NALF1: variants seen among roughly 807,000 people sequenced by gnomAD.
NALF1 encodes NALCN channel auxiliary factor 1.
In NALF1, 3 loss-of-function variants were observed where a neutral mutation model predicts 48.4. The ratio of observed to expected loss-of-function variants is 0.06; its 90% CI spans 0.03 to 0.16. The LOEUF (loss-of-function observed/expected upper bound fraction) is 0.16. Ranked by LOEUF, NALF1 falls within the 10% of genes least tolerant of loss-of-function variation. The probability of loss-of-function intolerance (pLI) is 1.00; values close to 1 mark genes in which losing one functional copy is unlikely to be tolerated. For synonymous variants in NALF1, 262 were observed against 245.7 expected, an observed-to-expected ratio of 1.07 and a Z score of -0.62; for missense variants, 526 against 571.5, an observed-to-expected ratio of 0.92 and a Z score of 0.81.
chr13:107,216,967 A>G (rs1879885999), intron 1 of NALF1, among the ~76,000 whole-genome samples: 1 of 152,200 alleles, frequency 6.6e-6, no homozygotes, highest in African/African-American at 2.4e-5. Context: ...GCTTAGGAAA[A>G]AAGGGAAACC....
intron 1 of NALF1, among the ~76,000 whole-genome samples, chr13:107,613,764 G>T (rs1051840006): frequency 2.0e-5 from 3 of 152,124 alleles, no homozygotes; most frequent in African/African-American, 7.2e-5. Flanking sequence ...TAGTTGTCAA[G>T]ACAAACTGGA....
intron 1 of NALF1, among the ~76,000 whole-genome samples, chr13:107,662,122 G>C (rs925963223): frequency 2.7e-4 from 41 of 152,152 alleles, no homozygotes; most frequent in Admixed American, 2.7e-3. Context: ...GCCATTTTTG[G>C]ACATGGAAGT....
intron 1 of NALF1, among the ~76,000 whole-genome samples, chr13:107,493,760 A>T (rs2139071674): frequency 6.6e-6 from 1 of 152,218 alleles, no homozygotes. Context: ...GTGGTGGTGC[A>T]TACCTGCAGT....
At chr13:107,462,861 C>T (rs776892971) in intron 1 of NALF1, among the ~76,000 whole-genome samples, 2 of 152,224 alleles carry the variant, frequency 1.3e-5, no homozygotes, top group Non-Finnish European at 2.9e-5. Context: ...GCCCTATGCA[C>T]CTTTTCCCTT....
At chr13:107,315,742 G>A (rs920625023) in intron 1 of NALF1, among the ~76,000 whole-genome samples, 4 of 151,722 alleles carry the variant, frequency 2.6e-5, no homozygotes, top group Admixed American at 6.6e-5. Flanking sequence ...TTACTTAGCA[G>A]GGTTTTTTAA....
chr13:107,441,820 A>C (rs1424466689), intron 1 of NALF1, among the ~76,000 whole-genome samples: 2 of 152,192 alleles, frequency 1.3e-5, no homozygotes, highest in Non-Finnish European at 2.9e-5. Context: ...GGGTATTAAT[A>C]GGCAAAGACT....
chr13:107,394,650 C>T (rs1883681087), intron 1 of NALF1, among the ~76,000 whole-genome samples: 1 of 152,160 alleles, frequency 6.6e-6, no homozygotes, highest in African/African-American at 2.4e-5. Flanking sequence ...ATATTCTTAA[C>T]ATTATTGAAA....
chr13:107,186,106 C>T (rs150149180), intron 2 of NALF1, among the ~76,000 whole-genome samples: 115 of 152,294 alleles, frequency 7.6e-4, no homozygotes, highest in African/African-American at 2.6e-3. Flanking sequence ...ATACCAACCT[C>T]CTGTTAGTCA....
At chr13:107,252,117 C>T (rs4141821) in intron 1 of NALF1, among the ~76,000 whole-genome samples, 30,977 of 152,014 alleles carry the variant, frequency 0.2, 3,348 homozygotes, top group Non-Finnish European at 0.23. Context: ...GCATGGGAGG[C>T]CTGGCGAGGT....
intron 1 of NALF1, among the ~76,000 whole-genome samples, chr13:107,383,778 T>C (rs1451189295): frequency 6.6e-6 from 1 of 152,220 alleles, no homozygotes; most frequent in African/African-American, 2.4e-5. Context: ...CATGTAATTA[T>C]AGCCCAGTTT....
At chr13:107,489,044 A>T (rs1329381889) in intron 1 of NALF1, among the ~76,000 whole-genome samples, 3 of 152,168 alleles carry the variant, frequency 2.0e-5, no homozygotes, top group African/African-American at 4.8e-5. Flanking sequence ...ATAATAAAAT[A>T]CGTAGGAATA....
intron 1 of NALF1, among the ~76,000 whole-genome samples, chr13:107,761,229 C>T (rs757435570): frequency 3.9e-5 from 6 of 151,938 alleles, no homozygotes; most frequent in Non-Finnish European, 7.4e-5. Flanking sequence ...TGGTGGCAGG[C>T]GCCTGTAGTT....
At chr13:107,397,673 T>C (rs1028864303) in intron 1 of NALF1, among the ~76,000 whole-genome samples, 1 of 152,094 alleles carries the variant, frequency 6.6e-6, no homozygotes, top group South Asian at 2.1e-4. Flanking sequence ...GGTAGGGCCT[T>C]GAGTTCATCT....
chr13:107,281,025 T>C (rs56275362), intron 1 of NALF1, among the ~76,000 whole-genome samples: 6,596 of 152,324 alleles, frequency 0.043, 225 homozygotes, highest in Admixed American at 0.096. Flanking sequence ...TATATGTCCA[T>C]AGCACATGCA....
intron 1 of NALF1, among the ~76,000 whole-genome samples, chr13:107,741,100 A>C (rs1314878186): frequency 6.6e-6 from 1 of 152,224 alleles, no homozygotes; most frequent in Non-Finnish European, 1.5e-5. Context: ...ATAATACAAC[A>C]AAATAAAATC....
intron 1 of NALF1, among the ~76,000 whole-genome samples, chr13:107,317,026 A>C (rs537426602): frequency 6.6e-6 from 1 of 152,178 alleles, no homozygotes; most frequent in Non-Finnish European, 1.5e-5. Flanking sequence ...CTAGGAAATG[A>C]GAAAAACTAT....
chr13:107,439,207 A>G (rs1175977615), intron 1 of NALF1, among the ~76,000 whole-genome samples: 1 of 152,158 alleles, frequency 6.6e-6, no homozygotes, highest in Non-Finnish European at 1.5e-5. Flanking sequence ...CAGAGAAAAT[A>G]TTTTTACCAT....
chr13:107,305,449 G>A (rs16969977), intron 1 of NALF1, among the ~76,000 whole-genome samples: 6,364 of 152,200 alleles, frequency 0.042, 184 homozygotes, highest in Middle Eastern at 0.061. Flanking sequence ...ATTTATCAAA[G>A]TGCTCATTGT....
At chr13:107,361,634 C>T (rs988643141) in intron 1 of NALF1, among the ~76,000 whole-genome samples, 18 of 152,090 alleles carry the variant, frequency 1.2e-4, no homozygotes, top group East Asian at 3.8e-4. Context: ...GCAGCAGAGC[C>T]GGTTTTGCAA....
Sources: allele counts gnomAD v4.1 joint callset (sites outside exome capture counted in the v4.1 genomes callset), GRCh38; gene constraint gnomAD v4.1.1; transcripts MANE v1.5; gene names NCBI Gene and HGNC (gene_info 2026-07-23, HGNC 2026-07-21).